The following FAM169A variants were observed in gnomAD, a reference collection of about 807,000 sequenced individuals.
The protein encoded by FAM169A is soluble lamin-associated protein of 75 kDa.
FAM169A carries 24 observed loss-of-function variants against 75.7 expected under a neutral mutation model. That is an observed-to-expected ratio of 0.32 (90% CI 0.23 to 0.45). The LOEUF is 0.45. Ranked by LOEUF, FAM169A falls within the 20% of genes least tolerant of loss-of-function variation. The pLI, the probability that FAM169A is intolerant of heterozygous loss-of-function variation, is 1.00. For synonymous variants in FAM169A, 271 were observed against 271.0 expected, an observed-to-expected ratio of 1.00 and a Z score of 0.00; for missense variants, 673 against 784.0, an observed-to-expected ratio of 0.86 and a Z score of 1.69.
intron 5 of FAM169A, among the ~76,000 whole-genome samples, chr5:74,826,415 T>A (rs1267985727): frequency 6.6e-6 from 1 of 152,216 alleles, no homozygotes; most frequent in African/African-American, 2.4e-5. Flanking sequence ...CAGGATGATA[T>A]GGCTGGAGCC....
At chr5:74,845,012 T>G (rs1363303458) in intron 1 of FAM169A, among the ~76,000 whole-genome samples, 1 of 152,122 alleles carries the variant, frequency 6.6e-6, no homozygotes, top group African/African-American at 2.4e-5. Flanking sequence ...AAAGTTACTT[T>G]CCTCTTTGAA....
intron 1 of FAM169A, among the ~76,000 whole-genome samples, chr5:74,849,311 A>AT (rs761691547): frequency 6.4e-4 from 98 of 152,160 alleles, no homozygotes; most frequent in Admixed American, 3.1e-3. Context: ...TATTATTGTG[A>AT]TTTTTTCCCT....
intron 12 of FAM169A, among the ~76,000 whole-genome samples, chr5:74,782,596 A>T (rs1049574705): frequency 6.6e-6 from 1 of 152,216 alleles, no homozygotes; most frequent in African/African-American, 2.4e-5. Flanking sequence ...AAACAAATAT[A>T]AATTACTGTT....
intron 1 of FAM169A, among the ~76,000 whole-genome samples, chr5:74,863,387 C>G (rs972890649): frequency 2.0e-5 from 3 of 152,174 alleles, no homozygotes; most frequent in African/African-American, 4.8e-5. Context: ...TGTGAAGAGA[C>G]TATCGTCTTA....
chr5:74,784,734 T>C (rs899465577), intron 11 of FAM169A, among the ~76,000 whole-genome samples: 22 of 148,336 alleles, frequency 1.5e-4, no homozygotes, highest in Non-Finnish European at 2.8e-4. Flanking sequence ...CTGGCTAACA[T>C]GGTGAAACTC....
intron 5 of FAM169A, among the ~76,000 whole-genome samples, chr5:74,827,932 C>A (rs1201053310): frequency 6.6e-6 from 1 of 151,978 alleles, no homozygotes; most frequent in Non-Finnish European, 1.5e-5. Context: ...TCCCAAAGTG[C>A]TGGAATTACA....
In FAM169A at chr5:74,808,608, A is replaced by G. The variant is rs1747010715; in HGVS notation, c.671-3324T>C. Among the ~76,000 whole-genome samples the G allele has an allele frequency of 2.0e-5, 3 of 152,240 alleles. No individual in the cohort carries two copies. In the South Asian group the frequency reaches 6.2e-4, roughly 31 times the overall value. On this transcript the variant is annotated intron_variant, in intron 6 of 12. Transcript: ENST00000687041. ...ATAAGAGCCACTGAACTGTTCACCT[A>G]CAAATAAGGTATTATGTATAATTTT...
chr5:74,866,681 G>T (rs1024010121), upstream of FAM169A: 1 of 910,392 alleles, frequency 1.1e-6, no homozygotes, highest in Admixed American at 6.2e-5. Context: ...CCTTGGCTTA[G>T]ATATAAAAAT....
chr5:74,857,252 G>T (rs1224604654), intron 1 of FAM169A, among the ~76,000 whole-genome samples: 1 of 151,840 alleles, frequency 6.6e-6, no homozygotes, highest in Non-Finnish European at 1.5e-5. Context: ...GGGAAGGGAA[G>T]CAAGAAAGCT....
chr5:74,786,818 C>T (rs559598659), intron 11 of FAM169A, among the ~76,000 whole-genome samples: 3 of 152,270 alleles, frequency 2.0e-5, no homozygotes, highest in Non-Finnish European at 2.9e-5. Context: ...TGCACAGCCT[C>T]GCCAGGTGTC....
intron 6 of FAM169A, among the ~76,000 whole-genome samples, chr5:74,808,489 G>A (rs1373453350): frequency 6.6e-6 from 1 of 152,144 alleles, no homozygotes; most frequent in Non-Finnish European, 1.5e-5. Flanking sequence ...TAGGGGAAAA[G>A]GGGAGTTAAT....
intron 5 of FAM169A, among the ~76,000 whole-genome samples, chr5:74,817,736 T>C (rs1234909411): frequency 6.6e-6 from 1 of 152,138 alleles, no homozygotes; most frequent in Non-Finnish European, 1.5e-5. Context: ...TCAAGACTGA[T>C]TCACACTTCC....
At chr5:74,791,418 G>GT (rs1745968963) in intron 11 of FAM169A, among the ~76,000 whole-genome samples, 3 of 152,152 alleles carry the variant, frequency 2.0e-5, no homozygotes, top group Admixed American at 2.0e-4. Flanking sequence ...TGGCCTAGTG[G>GT]TATTAGTTCC....
chr5:74,852,962 A>G (rs1469867664), intron 1 of FAM169A, among the ~76,000 whole-genome samples: 1 of 152,214 alleles, frequency 6.6e-6, no homozygotes, highest in Non-Finnish European at 1.5e-5. Flanking sequence ...ATCTTTTAAT[A>G]TACTTATCAC....
In FAM169A at chr5:74,799,544, C is replaced by A. The variant is rs1048454251; in HGVS notation, c.1103+1336G>T. 1.8e-5 allele frequency: 27 copies of A among 1,530,216 alleles called. No homozygotes were observed. The African/African-American group carries it at 3.7e-4, about 21-fold the overall frequency. The allele number at this position is 1,530,216 out of a possible 1,614,324, so 94.8% of individuals were successfully genotyped here. A position where few individuals can be genotyped will look rare whatever the true frequency, so the allele number is the denominator to read the frequency against. On this transcript the variant is annotated intron_variant, in intron 10 of 12. Transcript: ENST00000687041. Reference sequence around the variant, plus strand: ...GTGGATGAAAAGCTGGCCAGCATGCCCTGGGACAGCAAGATGCTTTTTGGG... The same window carrying A: ...GTGGATGAAAAGCTGGCCAGCATGCACTGGGACAGCAAGATGCTTTTTGGG...
intron 4 of FAM169A, among the ~76,000 whole-genome samples, chr5:74,838,142 T>C (rs928336029): frequency 2.0e-5 from 3 of 150,180 alleles, no homozygotes; most frequent in African/African-American, 7.4e-5. Context: ...AAAAAATTCA[T>C]GATCCTCATT....
At chr5:74,830,942 T>C (rs1748280853) in intron 5 of FAM169A, among the ~76,000 whole-genome samples, 1 of 152,174 alleles carries the variant, frequency 6.6e-6, no homozygotes, top group South Asian at 2.1e-4. Context: ...GACAAAACAC[T>C]ACCTGCATTT....
At chr5:74,829,464 G>A (rs568321699) in intron 5 of FAM169A, among the ~76,000 whole-genome samples, 4 of 152,124 alleles carry the variant, frequency 2.6e-5, no homozygotes, top group African/African-American at 7.2e-5. Flanking sequence ...TGCTAAGCCC[G>A]TGTTTTATGA....
chr5:74,802,227 G>A (rs562341158), intron 8 of FAM169A, among the ~76,000 whole-genome samples: 2 of 152,090 alleles, frequency 1.3e-5, no homozygotes, highest in East Asian at 3.9e-4. Context: ...CCTGTCCTTT[G>A]TACTACCATT....
Sources: gnomAD v4.1 joint callset for allele counts (sites outside exome capture counted in the v4.1 genomes callset) on GRCh38, gnomAD v4.1.1 for gene constraint, MANE v1.5 for transcripts, NCBI Gene and HGNC (gene_info 2026-07-23, HGNC 2026-07-21) for gene names.